The following KDM1B variants were observed in gnomAD, a reference collection of about 807,000 sequenced individuals.
KDM1B encodes the protein lysine demethylase 1B.
Under a neutral mutation model 107.4 loss-of-function variants are expected in KDM1B, and 63 were observed. The ratio of observed to expected loss-of-function variants is 0.59; its 90% CI spans 0.48 to 0.72. The LOEUF is 0.72. Among genes scored for constraint, KDM1B ranks in the 30% least tolerant of loss-of-function variants. The pLI is 0.00. For synonymous variants in KDM1B, 363 were observed against 363.9 expected (o/e 1.00, Z 0.03); for missense variants, 749 against 1,020.8 (o/e 0.73, Z 3.63).
intron 3 of KDM1B, 22 bp from the exon 4 acceptor site, chr6:18,161,305 A>G: frequency 6.2e-7 from 1 of 1,612,186 alleles, no homozygotes; most frequent in Non-Finnish European, 8.5e-7. Flanking sequence ...TGAAATTTTA[A>G]CATCAGCTGT....
intron 21 of KDM1B, among the ~76,000 whole-genome samples, chr6:18,221,084 C>G (rs1789689331): frequency 6.6e-6 from 1 of 152,056 alleles, no homozygotes. Context: ...CTCACTGCCA[C>G]TTTCTCCCCC....
In KDM1B at chr6:18,204,615, A is replaced by G. The variant is rs921660234; in HGVS notation, c.1532-922A>G. ...CTTAGAATTAGTCAGACATCAAGCCAGAACCCTCTTCCAGCCCTGCTATAA... is the reference window on the plus strand; with the variant it reads ...CTTAGAATTAGTCAGACATCAAGCCGGAACCCTCTTCCAGCCCTGCTATAA... On this transcript the variant is annotated intron_variant, in intron 14 of 21. Transcript: ENST00000650836. The surrounding 1 kb of genome is among the most constrained non-coding windows in gnomAD (Gnocchi z 4.9). Among the ~76,000 whole-genome samples the G allele has an allele frequency of 3.9e-5, 6 of 152,260 alleles. No homozygotes were observed. The highest frequency in any genetic ancestry group is 1.4e-4 in the African/African-American group (6 of 41,472).
At chr6:18,208,317 C>T in intron 17 of KDM1B, 111 bp downstream of exon 17, 1 of 739,260 alleles carries the variant, frequency 1.4e-6, no homozygotes, top group African/African-American at 1.8e-5. Context: ...CTGCCTGGAC[C>T]CTTGTTGGAT....
In KDM1B at chr6:18,202,999, A is replaced by G. The variant is rs1250893793; in HGVS notation, c.1531+1342A>G. 3.9e-5 allele frequency among the ~76,000 whole-genome samples: 6 copies of G among 152,226 alleles called. No homozygotes were observed. In the East Asian group the frequency reaches 1.2e-3, roughly 29 times the overall value. Reference sequence around the variant, plus strand: ...CAGTTATTAGGCTGACGTGCAGGATATTCTCAGGACTTGGTTAGTGTTTTG... The same window carrying G: ...CAGTTATTAGGCTGACGTGCAGGATGTTCTCAGGACTTGGTTAGTGTTTTG... On this transcript the variant is annotated intron_variant, in intron 14 of 21. Coordinates refer to ENST00000650836, the MANE Select transcript of KDM1B (RefSeq NM_001364614.2).
intron 5 of KDM1B, among the ~76,000 whole-genome samples, chr6:18,165,128 ATT>A (rs35906579): frequency 1.2e-5 from 1 of 81,570 alleles, no homozygotes; most frequent in Non-Finnish European, 2.2e-5. Flanking sequence ...GCCTTCTCTG[ATT>A]TTTTTTTTTT....
rs139679397 is a variant in KDM1B at position 18,209,348 on chromosome 6, A to G, written c.1866+1142A>G. On this transcript the variant is annotated intron_variant, in intron 17 of 21. Coordinates refer to ENST00000650836, the MANE Select transcript of KDM1B (RefSeq NM_001364614.2). This position sits in a 1 kb window ranked among gnomAD's most constrained non-coding sequence, Gnocchi z 4.3. ...AGTTCCTAGACTAGCTATGCTTCCT[A>G]CACTTCAGGTATCTAAAACTTATTT... is the stretch of plus-strand genomic sequence containing the variant. Among the ~76,000 whole-genome samples the G allele has an allele frequency of 6.6e-6, 1 of 152,328 alleles. No homozygotes were observed. The highest frequency in any genetic ancestry group is 1.9e-4 in the East Asian group (1 of 5,180).
intron 21 of KDM1B, among the ~76,000 whole-genome samples, chr6:18,221,496 G>A (rs1247179814): frequency 6.6e-6 from 1 of 152,092 alleles, no homozygotes; most frequent in African/African-American, 2.4e-5. Context: ...TATCCTTTGA[G>A]TAACGTAACT....
chr6:18,205,794 C>T lies in KDM1B; in HGVS notation c.1659+130C>T. 4.9e-6 allele frequency: 4 copies of T among 813,208 alleles called. No individual in the cohort carries two copies. The highest frequency in any genetic ancestry group is 6.7e-6 in the Non-Finnish European group (4 of 596,576). 50.4% of individuals were successfully genotyped at this position (813,208 alleles called of 1,614,324 possible). A position where few individuals can be genotyped will look rare whatever the true frequency, so the allele number is the denominator to read the frequency against. On this transcript the variant is annotated intron_variant, in intron 15 of 21. Coordinates refer to ENST00000650836, the MANE Select transcript of KDM1B (RefSeq NM_001364614.2). This position sits in a 1 kb window ranked among gnomAD's most constrained non-coding sequence, Gnocchi z 5.7. The stretch of plus-strand genomic sequence containing the variant: ...AGATCATGAGGTCAGGAGATCGAGA[C>T]CATCCTGGCCAACATGGTGAAACCC...
intron 21 of KDM1B, among the ~76,000 whole-genome samples, chr6:18,218,396 TA>T (rs560331369): frequency 1.8e-3 from 270 of 152,232 alleles, no homozygotes; most frequent in African/African-American, 6.2e-3. Context: ...GTGTTAGGAT[TA>T]CAGGTGTGAG....
At position 18,208,627 on chromosome 6, in the gene KDM1B, A is replaced by AT. The variant is rs1167715268; in HGVS notation, c.1866+456dup. 1.6e-4 allele frequency among the ~76,000 whole-genome samples: 4 copies of AT among 25,740 alleles called. 1 individual carries two copies. The highest frequency in any genetic ancestry group is 2.7e-4 in the Non-Finnish European group (4 of 14,724). 16.9% of individuals were successfully genotyped at this position (25,740 alleles called of 152,430 possible). ...TGTATATATATATATATATATATAT[A>AT]TTTTTTTTTTTTTTTTTTTTTTTTT... is the stretch of plus-strand genomic sequence containing the variant. On this transcript the variant is annotated intron_variant, in intron 17 of 21. Transcript: ENST00000650836.
Position 18,172,254 on chromosome 6 carries a change from CGTTAAGGGT to C in KDM1B, c.534+780_534+788del. On this transcript the variant is annotated intron_variant, in intron 7 of 21. Coordinates refer to ENST00000650836, the MANE Select transcript of KDM1B (RefSeq NM_001364614.2). This position sits in a 1 kb window ranked among gnomAD's most constrained non-coding sequence, Gnocchi z 5.2. The stretch of plus-strand genomic sequence containing the variant: ...AAAACCTATTATTATTGCTTTAGTG[CGTTAAGGGT>C]GTTAGTCTACACAAATGCCACTGGT... 6.6e-6 allele frequency among the ~76,000 whole-genome samples: 1 copy of C among 152,142 alleles called. No individual in the cohort carries two copies. Among genetic ancestry groups the C allele is most frequent in the East Asian group, 1.9e-4 (1 of 5,168 alleles).
intron 21 of KDM1B, among the ~76,000 whole-genome samples, chr6:18,220,246 G>A (rs1789576505): frequency 6.6e-6 from 1 of 152,126 alleles, no homozygotes; most frequent in African/African-American, 2.4e-5. Context: ...TATAGTTACC[G>A]TTTTTGTTTA....
rs1266150889 is a variant in KDM1B, at chr6:18,223,113, C to T, written c.*1121C>T. On this transcript the variant is annotated 3_prime_UTR_variant, in exon 22 of 22. Transcript: ENST00000650836. ...ACTGGTTGCAGGGTCTTCAGGATGC[C>T]TATTTTGCCAAGAAACTTCAGTATA... 6.6e-6 allele frequency: 1 copy of T among 152,404 alleles called. No individual in the cohort carries two copies. Among genetic ancestry groups the T allele is most frequent in the Non-Finnish European group, 1.5e-5 (1 of 68,010 alleles). The allele number at this position is 152,404 out of a possible 1,614,324, so 9.4% of individuals were successfully genotyped here.
At chr6:18,202,170 G>A (rs1275320837) in intron 14 of KDM1B, among the ~76,000 whole-genome samples, 5 of 151,974 alleles carry the variant, frequency 3.3e-5, no homozygotes, top group African/African-American at 7.3e-5. Flanking sequence ...GAGGTCAAGC[G>A]GGGAAGATCA....
At chr6:18,179,663 T>C (rs1786294718) in intron 7 of KDM1B, among the ~76,000 whole-genome samples, 1 of 152,012 alleles carries the variant, frequency 6.6e-6, no homozygotes, top group Non-Finnish European at 1.5e-5. Context: ...TAACTTAAAG[T>C]TGTTTGTACT....
At chr6:18,185,945 T>A in intron 8 of KDM1B, 135 bp downstream of exon 8, 1 of 795,114 alleles carries the variant, frequency 1.3e-6, no homozygotes, top group Non-Finnish European at 2.2e-6. Flanking sequence ...TCTAACATGG[T>A]AACTATATTA....
At position 18,162,856 on chromosome 6, in the gene KDM1B, C is replaced by T. The variant is rs767085599; in HGVS notation, c.237C>T (p.Thr79=). 6.2e-7 allele frequency: 1 copy of T among 1,609,740 alleles called. No individual in the cohort carries two copies. The highest frequency in any genetic ancestry group is 1.1e-5 in the South Asian group (1 of 90,976). Reference sequence around the variant, plus strand: ...TCAGATGTGCCAAAAATGGCTACACCTCCCGATGGTATCATCTCTCCTGTG... The same window carrying T: ...TCAGATGTGCCAAAAATGGCTACACTTCCCGATGGTATCATCTCTCCTGTG... ...ASERCAKNGY[T]SRWYHLSCGE... The change falls in exon 5 of 22, where the codon ACC becomes ACT. Residue 79 remains threonine, a synonymous_variant. Transcript: ENST00000650836. The surrounding 1 kb of genome is among the most constrained non-coding windows in gnomAD (Gnocchi z 4.1).
chr6:18,159,845 A>G lies in KDM1B; in HGVS notation c.-13-38A>G. 9.5e-7 allele frequency: 1 copy of G among 1,051,340 alleles called. No individual in the cohort carries two copies. The highest frequency in any genetic ancestry group is 1.3e-5 in the South Asian group (1 of 75,950). The allele number at this position is 1,051,340 out of a possible 1,614,324, so 65.1% of individuals were successfully genotyped here. A position where few individuals can be genotyped will look rare whatever the true frequency, so the allele number is the denominator to read the frequency against. ...GCTCCAGACTGTTAAAAATATTTGC[A>G]GATGCTAATATTTAATGGTCTGATT... On this transcript the variant is annotated intron_variant, in intron 2 of 21. Coordinates refer to ENST00000650836, the MANE Select transcript of KDM1B (RefSeq NM_001364614.2). This position sits in a 1 kb window ranked among gnomAD's most constrained non-coding sequence, Gnocchi z 4.5.
Position 18,212,463 on chromosome 6 carries a change from G to C in KDM1B, c.1867-25G>C. 2.2e-6 allele frequency: 3 copies of C among 1,378,092 alleles called. No individual in the cohort carries two copies. Among genetic ancestry groups the C allele is most frequent in the Non-Finnish European group, 3.1e-6 (3 of 964,628 alleles). 85.4% of individuals were successfully genotyped at this position (1,378,092 alleles called of 1,614,324 possible). A position where few individuals can be genotyped will look rare whatever the true frequency, so the allele number is the denominator to read the frequency against. ...TGTGAGGTTCTGTTGCTGTTTGTTT[G>C]TTAACTGTTAATTATTTTCCACAGG... On this transcript the variant is annotated intron_variant, in intron 17 of 21. Coordinates refer to ENST00000650836, the MANE Select transcript of KDM1B (RefSeq NM_001364614.2). The surrounding 1 kb of genome is among the most constrained non-coding windows in gnomAD (Gnocchi z 5.2).
Sources: allele counts gnomAD v4.1 joint callset (sites outside exome capture counted in the v4.1 genomes callset), GRCh38; gene constraint gnomAD v4.1.1; non-coding constraint Gnocchi (gnomAD v3.1); transcripts MANE v1.5; gene names NCBI Gene and HGNC (gene_info 2026-07-23, HGNC 2026-07-21).